Variants in RAB40C observed in about 807,000 individuals in gnomAD.
The protein encoded by RAB40C is RAB40C, member RAS oncogene family.
RAB40C carries 8 observed loss-of-function variants against 28.1 expected under a neutral mutation model. The observed-to-expected ratio is 0.28, with a 90% confidence interval of 0.17 to 0.51. RAB40C has a LOEUF of 0.51. Ranked by LOEUF, RAB40C falls within the 20% of genes least tolerant of loss-of-function variation. The pLI is 0.97. For synonymous variants in RAB40C, 201 were observed against 171.7 expected (o/e 1.17, Z -1.34); for missense variants, 288 against 405.9 (o/e 0.71, Z 2.50).
chr16:626,036 C>T lies in RAB40C; in HGVS notation c.480C>T (p.Asn160=), dbSNP rs766928136. 3.1e-6 allele frequency: 5 copies of T among 1,613,348 alleles called. No homozygotes were observed. In the African/African-American group the frequency reaches 5.3e-5, roughly 17 times the overall value. ...TCTTTGAGGTCAGCCCCCTGTGCAA[C>T]TTCAACGTCATCGAGTCCTTCACGG... ...MTFFEVSPLC[N]FNVIESFTEL... Residue 160 remains asparagine (N), a synonymous_variant, in exon 5 of 6, where the codon AAC becomes AAT. Transcript: ENST00000248139.
chr16:598,995 T>C (rs1223400217), intron 1 of RAB40C, among the ~76,000 whole-genome samples: 1 of 152,146 alleles, frequency 6.6e-6, no homozygotes, highest in East Asian at 1.9e-4. Flanking sequence ...GACTTCCTGG[T>C]CAGCAACGTT....
Position 627,708 on chromosome 16 carries a change from G to T in RAB40C, c.*86G>T, listed in dbSNP as rs141907535. 3 of 1,426,400 alleles carry T rather than the reference G, an allele frequency of 2.1e-6. No homozygotes were observed. The South Asian group carries it at 4.2e-5, about 20-fold the overall frequency. 88.4% of individuals were successfully genotyped at this position (1,426,400 alleles called of 1,614,324 possible). On this transcript the variant is annotated 3_prime_UTR_variant, in exon 6 of 6. Coordinates refer to ENST00000248139, the MANE Select transcript of RAB40C (RefSeq NM_021168.5). ...TGGACGCCAGGCCAGTGCCGCCTAC[G>T]TGGAGACTGTCCACACAGCTGCCTC...
intron 1 of RAB40C, among the ~76,000 whole-genome samples, chr16:604,935 G>C (rs955876105): frequency 6.6e-6 from 1 of 152,116 alleles, no homozygotes; most frequent in Non-Finnish European, 1.5e-5. Context: ...GGTGGTGCTT[G>C]TGGTCCCAGT....
chr16:605,291 TC>T (rs2036336032), intron 1 of RAB40C, among the ~76,000 whole-genome samples: 1 of 152,214 alleles, frequency 6.6e-6, no homozygotes, highest in Admixed American at 6.5e-5. Flanking sequence ...GCATGAGAGT[TC>T]CAGGTGCTCC....
Position 590,272 on chromosome 16 carries a change from G to GGGGCGCA in RAB40C, c.-17_-11dup. 1.4e-6 allele frequency: 2 copies of GGGGCGCA among 1,474,006 alleles called. No individual in the cohort carries two copies. Among genetic ancestry groups the GGGGCGCA allele is most frequent in the Non-Finnish European group, 1.8e-6 (2 of 1,111,636 alleles). The allele number at this position is 1,474,006 out of a possible 1,614,324, so 91.3% of individuals were successfully genotyped here. A position where few individuals can be genotyped will look rare whatever the true frequency, so the allele number is the denominator to read the frequency against. On this transcript the variant is annotated 5_prime_UTR_variant, in exon 1 of 6. Transcript: ENST00000248139. ...CGGTGCTTCGGCAGGCGGCCGGCGC[G>GGGGCGCA]GGGCGCAGGCGGCGCGGCCATGGGC...
At chr16:627,113 C>T (rs923561313) in intron 5 of RAB40C, among the ~76,000 whole-genome samples, 2 of 152,248 alleles carry the variant, frequency 1.3e-5, no homozygotes, top group Non-Finnish European at 2.9e-5. Context: ...CCCGCAGCAG[C>T]ACCGCCCAGC....
At chr16:624,237 T>C (rs1200618796) in intron 3 of RAB40C, 3 of 985,388 alleles carry the variant, frequency 3.0e-6, no homozygotes, top group East Asian at 2.3e-4. Context: ...GTGGGCTGTG[T>C]TGTACGCTTT....
chr16:606,484 A>G lies in RAB40C; in HGVS notation c.143-10724A>G, dbSNP rs138383542. ...TGTGGGTTTCCCTGAGCTGAAGTCAAGGTGTTGGCTGACACACAGTCCTCT... is the reference window on the plus strand; with the variant it reads ...TGTGGGTTTCCCTGAGCTGAAGTCAGGGTGTTGGCTGACACACAGTCCTCT... On this transcript the variant is annotated intron_variant, in intron 1 of 5. Transcript: ENST00000248139. Among the ~76,000 whole-genome samples the G allele has an allele frequency of 7.1e-3, 962 of 134,790 alleles. 5 individuals are homozygous for G. The highest frequency in any genetic ancestry group is 0.017 in the Middle Eastern group (4 of 236). 88.4% of individuals were successfully genotyped at this position (134,790 alleles called of 152,430 possible).
chr16:597,846 A>G (rs1596399120), intron 1 of RAB40C, among the ~76,000 whole-genome samples: 1 of 147,938 alleles, frequency 6.8e-6, no homozygotes, highest in Non-Finnish European at 1.5e-5. Context: ...CACACCTGCA[A>G]TCTCAGCACC....
intron 3 of RAB40C, among the ~76,000 whole-genome samples, chr16:622,304 G>A (rs1224115200): frequency 1.3e-5 from 2 of 152,202 alleles, no homozygotes; most frequent in Non-Finnish European, 2.9e-5. Flanking sequence ...TTCACGAGCA[G>A]GCGGGGGTGC....
chr16:627,740 G>C lies in RAB40C; in HGVS notation c.*118G>C. The C allele has an allele frequency of 7.8e-7, 1 of 1,288,270 alleles. No homozygotes were observed. The highest frequency in any genetic ancestry group is 1.0e-6 in the Non-Finnish European group (1 of 965,876). The allele number at this position is 1,288,270 out of a possible 1,614,324, so 79.8% of individuals were successfully genotyped here. A position where few individuals can be genotyped will look rare whatever the true frequency, so the allele number is the denominator to read the frequency against. The stretch of plus-strand genomic sequence containing the variant: ...CTGTCCACACAGCTGCCTCAGAAGC[G>C]CCGGGCTTTCCTCACACCTGAGCCG... On this transcript the variant is annotated 3_prime_UTR_variant, in exon 6 of 6. Transcript: ENST00000248139.
Position 590,386 on chromosome 16 carries a change from A to G in RAB40C, c.95A>G (p.Glu32Gly). 1 of 1,596,528 alleles carries G rather than the reference A, an allele frequency of 6.3e-7. No homozygotes were observed. Among genetic ancestry groups the G allele is most frequent in the Non-Finnish European group, 8.5e-7 (1 of 1,173,266 alleles). Residue 32 changes from glutamate (E) to glycine (G), a missense_variant, in exon 1 of 6, where the codon GAG becomes GGG. Coordinates refer to ENST00000248139, the MANE Select transcript of RAB40C (RefSeq NM_021168.5). ...GACGTGGGCAAGGGCGAGATCCTGGAGAGCCTGCAGGACGGCGCGGCAGAG... is the reference window on the plus strand; with the variant it reads ...GACGTGGGCAAGGGCGAGATCCTGGGGAGCCTGCAGGACGGCGCGGCAGAG... ...DSDVGKGEIL[E>G]SLQDGAAESP... is the part of the protein sequence containing the mutation.
In RAB40C at chr16:623,167, A is replaced by G. The variant is rs139630998; in HGVS notation, c.265-2265A>G. Among the ~76,000 whole-genome samples the G allele has an allele frequency of 1.2e-3, 187 of 152,362 alleles. 3 individuals carry two copies. Among genetic ancestry groups the G allele is most frequent in the African/African-American group, 3.9e-3 (164 of 41,590 alleles). On this transcript the variant is annotated intron_variant, in intron 3 of 5. Transcript: ENST00000248139. ...TCACAGCACACTTGGAGCCTGAGGC[A>G]GCCCATCAGCCGGGAGGCGGGCCTT...
At chr16:591,667 C>T (rs1220172093) in intron 1 of RAB40C, among the ~76,000 whole-genome samples, 1 of 151,634 alleles carries the variant, frequency 6.6e-6, no homozygotes, top group Non-Finnish European at 1.5e-5. Context: ...TTTCAGCTCA[C>T]TGCAACCTCC....
chr16:608,127 G>A (rs916856621), intron 1 of RAB40C, among the ~76,000 whole-genome samples: 11 of 152,238 alleles, frequency 7.2e-5, no homozygotes, highest in Admixed American at 7.2e-4. Context: ...TTGACTCACA[G>A]TTCCGCATGG....
At position 593,521 on chromosome 16, in the gene RAB40C, C is replaced by T. The variant is rs184771628; in HGVS notation, c.142+3088C>T. Among the ~76,000 whole-genome samples, 6 of 152,380 alleles carry T rather than the reference C, an allele frequency of 3.9e-5. No individual in the cohort carries two copies. In the East Asian group the frequency reaches 1.2e-3, roughly 29 times the overall value. ...GGCCCCTTCTGTGCAAGGCTTACTG[C>T]TTCAGCATGGCCCACAGCTCCTTCA... On this transcript the variant is annotated intron_variant, in intron 1 of 5. Transcript: ENST00000248139.
At chr16:590,622 G>T (rs1390106953) in intron 1 of RAB40C, among the ~76,000 whole-genome samples, 189 bp downstream of exon 1, 1 of 152,232 alleles carries the variant, frequency 6.6e-6, no homozygotes, top group African/African-American at 2.4e-5. Flanking sequence ...GTGACGCCGG[G>T]GGGCAGGAGG....
intron 1 of RAB40C, among the ~76,000 whole-genome samples, chr16:593,950 G>A (rs922985408): frequency 8.5e-5 from 13 of 152,144 alleles, no homozygotes; most frequent in Admixed American, 3.9e-4. Flanking sequence ...TGGTGCACGC[G>A]GCGGGGAGGA....
chr16:599,474 C>T (rs1045833841), intron 1 of RAB40C, among the ~76,000 whole-genome samples: 44 of 152,280 alleles, frequency 2.9e-4, no homozygotes, highest in Non-Finnish European at 6.3e-4. Flanking sequence ...CACGCCGTGC[C>T]TCCTCCGTGT....
Sources: gnomAD v4.1 joint callset for allele counts (sites outside exome capture counted in the v4.1 genomes callset) on GRCh38, gnomAD v4.1.1 for gene constraint, MANE v1.5 for transcripts, NCBI Gene and HGNC (gene_info 2026-07-23, HGNC 2026-07-21) for gene names.